Variants in ABCC8 observed in about 807,000 individuals in gnomAD.
ABCC8 encodes ATP-binding cassette sub-family C member 8.
Under a neutral mutation model 188.0 loss-of-function variants are expected in ABCC8, and 137 were observed. The observed-to-expected ratio is 0.73, with a 90% CI of 0.63 to 0.84. The LOEUF (loss-of-function observed/expected upper bound fraction) is 0.84. Among genes scored for constraint, ABCC8 ranks in the 40% least tolerant of loss-of-function variants. ABCC8 has a pLI of 0.00. For missense variants in ABCC8, 1,750 were observed against 2,072.7 expected (o/e 0.84, Z 3.02); for synonymous variants, 797 against 846.5 (o/e 0.94, Z 1.01).
At chr11:17,443,466 A>G in intron 8 of ABCC8, 154 bp from the exon 9 acceptor site, 2 of 1,296,096 alleles carry the variant, frequency 1.5e-6, no homozygotes, top group Non-Finnish European at 1.1e-6. Context: ...GCAGGGAAGG[A>G]GGAGAAACAA....
chr11:17,476,728 C>T lies in ABCC8; in HGVS notation c.49G>A (p.Val17Met). Reference protein sequence around the residue: ...GSENHSAAYRVDQGVLNNGCF... With the variant: ...GSENHSAAYRMDQGVLNNGCF... ...CCGTTGTTGAGGACCCCCTGGTCCA[C>T]CCGGTAGGCGGCCGAGTGGTTCTCG... The change falls in exon 1 of 39, where the codon GTG becomes ATG. Residue 17 changes from valine to methionine, a missense_variant. Transcript: ENST00000389817. The T allele has an allele frequency of 1.2e-6, 2 of 1,606,570 alleles. No individual in the cohort carries two copies. Among genetic ancestry groups the T allele is most frequent in the Non-Finnish European group, 1.7e-6 (2 of 1,176,894 alleles).
Position 17,461,804 on chromosome 11 carries a change from G to T in ABCC8, c.601C>A (p.Pro201Thr). Residue 201 changes from proline to threonine, a missense_variant, in exon 5 of 39, where the codon CCG becomes ACG. By Grantham distance (38) the Pro-to-Thr change is conservative. Transcript: ENST00000389817. The stretch of plus-strand genomic sequence containing the variant: ...TCCTCGGGAGGCTTCACCTCCCTCG[G>T]TGTCTTGAAGAAGATGTATCTCTGT... ...RVRRYIFFKT[P>T]REVKPPEDLQ... The T allele has an allele frequency of 6.2e-7, 1 of 1,614,076 alleles. No individual in the cohort carries two copies. The highest frequency in any genetic ancestry group is 8.5e-7 in the Non-Finnish European group (1 of 1,180,016).
intron 1 of ABCC8, 56 bp from the exon 2 acceptor site, chr11:17,475,083 G>A: frequency 3.7e-6 from 6 of 1,608,606 alleles, no homozygotes; most frequent in Non-Finnish European, 5.1e-6. Flanking sequence ...GAGGAAGAGG[G>A]TGCATGAACC....
chr11:17,394,514 GGTGT>G (rs1953805006), intron 36 of ABCC8, 115 bp from the exon 37 acceptor site: 2 of 1,549,122 alleles, frequency 1.3e-6, no homozygotes, highest in Non-Finnish European at 1.8e-6. Flanking sequence ...CAAATAGGTG[GGTGT>G]GTGTCCAAGA....
chr11:17,394,353 C>T lies in ABCC8; in HGVS notation c.4458G>A (p.Arg1486=). ...AGGCCCGGGCCAGGCAGAACAGCTGCCTCTGTCCCTGGCTGAAATTCTCCC... is the reference window on the plus strand; with the variant it reads ...AGGCCCGGGCCAGGCAGAACAGCTGTCTCTGTCCCTGGCTGAAATTCTCCC... The part of the protein sequence containing the change: ...EGGENFSQGQ[R]QLFCLARAFV... The change falls in exon 37 of 39, where the codon AGG becomes AGA. Residue 1486 remains arginine, a synonymous_variant. Coordinates refer to ENST00000389817, the MANE Select transcript of ABCC8 (RefSeq NM_000352.6). 6.2e-7 allele frequency: 1 copy of T among 1,614,158 alleles called. No individual in the cohort carries two copies. Among genetic ancestry groups the T allele is most frequent in the Non-Finnish European group, 8.5e-7 (1 of 1,180,044 alleles).
intron 19 of ABCC8, 33 bp downstream of exon 19, chr11:17,414,479 T>C (rs2133477999): frequency 6.2e-7 from 1 of 1,613,588 alleles, no homozygotes; most frequent in Non-Finnish European, 8.5e-7. Context: ...GTTCCTCCCC[T>C]CCACATCCTG....
At chr11:17,476,413 T>G (rs1236203586) in intron 1 of ABCC8, among the ~76,000 whole-genome samples, 5 of 152,202 alleles carry the variant, frequency 3.3e-5, no homozygotes, top group Non-Finnish European at 7.3e-5. Context: ...ACGTCCGCTG[T>G]GTTTGGCGCG....
At chr11:17,431,197 T>A (rs1955831696) in intron 11 of ABCC8, among the ~76,000 whole-genome samples, 1 of 152,102 alleles carries the variant, frequency 6.6e-6, no homozygotes, top group African/African-American at 2.4e-5. Flanking sequence ...TGGCCAAGAC[T>A]CCCTGTCCTG....
At chr11:17,432,089 G>A (rs1199114399) in intron 11 of ABCC8, 115 bp downstream of exon 11, 4 of 1,365,962 alleles carry the variant, frequency 2.9e-6, no homozygotes, top group Non-Finnish European at 3.0e-6. Context: ...CAGTCTGGCT[G>A]TGGAGCCTGT....
At position 17,460,753 on chromosome 11, in the gene ABCC8, C is replaced by T. The variant is rs961160115; in HGVS notation, c.823-77G>A. On this transcript the variant is annotated intron_variant, in intron 5 of 38. Coordinates refer to ENST00000389817, the MANE Select transcript of ABCC8 (RefSeq NM_000352.6). ...CTGGGCCTAGCCTCCCAGGATGCCC[C>T]TAGCTCCTGTTGTCTGGGGAAACCC... 4 of 1,587,488 alleles carry T rather than the reference C, an allele frequency of 2.5e-6. 1 individual carries two copies. The South Asian group carries it at 4.5e-5, about 18-fold the overall frequency.
At chr11:17,452,850 G>A (rs747649971) in intron 7 of ABCC8, among the ~76,000 whole-genome samples, 14 of 152,196 alleles carry the variant, frequency 9.2e-5, no homozygotes, top group Admixed American at 4.6e-4. Context: ...CCACTTTCAA[G>A]CCAAGGGCTG....
intron 3 of ABCC8, among the ~76,000 whole-genome samples, chr11:17,466,344 A>G (rs548773708): frequency 1.7e-3 from 252 of 147,226 alleles, no homozygotes; most frequent in African/African-American, 6.0e-3. Flanking sequence ...GGTTGCGGTG[A>G]GCCGAGATTG....
At chr11:17,393,158 A>G in intron 38 of ABCC8, 30 bp from the exon 39 acceptor site, 1 of 1,550,478 alleles carries the variant, frequency 6.4e-7, no homozygotes. Context: ...GCGGGTCAGG[A>G]TGGTGGGAAT....
At chr11:17,426,011 G>A (rs945416331) in intron 16 of ABCC8, among the ~76,000 whole-genome samples, 8 of 152,168 alleles carry the variant, frequency 5.3e-5, no homozygotes, top group Admixed American at 2.6e-4. Flanking sequence ...CAAAGGACAC[G>A]AACTCAACCT....
At chr11:17,406,511 C>A (rs1018195696) in intron 26 of ABCC8, 111 bp downstream of exon 26, 2 of 1,192,814 alleles carry the variant, frequency 1.7e-6, no homozygotes, top group East Asian at 2.6e-5. Context: ...CCTTGAGTCA[C>A]CCCCACAAGC....
chr11:17,393,797 C>T (rs764461043), intron 37 of ABCC8, 38 bp from the exon 38 acceptor site: 1 of 1,613,892 alleles, frequency 6.2e-7, no homozygotes, highest in Non-Finnish European at 8.5e-7. Context: ...CTCACCTGCC[C>T]AGTGGATGGG....
At chr11:17,405,426 A>C in intron 27 of ABCC8, 68 bp downstream of exon 27, 2 of 1,609,594 alleles carry the variant, frequency 1.2e-6, no homozygotes, top group Non-Finnish European at 1.7e-6. Context: ...CCAGCCTCAG[A>C]CAGGAGAAGC....
intron 16 of ABCC8, among the ~76,000 whole-genome samples, chr11:17,425,592 G>A (rs1160702505): frequency 1.3e-5 from 2 of 152,178 alleles, no homozygotes; most frequent in Non-Finnish European, 2.9e-5. Flanking sequence ...GTTGATGGCT[G>A]TAGTTGTCCT....
At chr11:17,394,205 C>T in intron 37 of ABCC8, 61 bp downstream of exon 37, 1 of 1,588,010 alleles carries the variant, frequency 6.3e-7, no homozygotes, top group Non-Finnish European at 8.6e-7. Context: ...GCAAATTTCT[C>T]CCTAGCATCC....
Sources: gnomAD v4.1 joint callset for allele counts (sites outside exome capture counted in the v4.1 genomes callset) on GRCh38, gnomAD v4.1.1 for gene constraint, MANE v1.5 for transcripts, NCBI Gene and HGNC (gene_info 2026-07-23, HGNC 2026-07-21) for gene names.